The following NEB variants were observed in gnomAD, a reference collection of about 807,000 sequenced individuals.
NEB encodes nemaline myopathy type 2.
In NEB, 512 loss-of-function variants were observed where a neutral mutation model predicts 952.2. The ratio of observed to expected loss-of-function variants is 0.54; its 90% CI spans 0.50 to 0.58. The LOEUF (loss-of-function observed/expected upper bound fraction) is 0.58. Ranked by LOEUF, NEB falls within the 20% of genes least tolerant of loss-of-function variation. The pLI is 0.00. For synonymous variants in NEB, 2,900 were observed against 3,149.8 expected (o/e 0.92, Z 2.66); for missense variants, 8,428 against 9,231.1 (o/e 0.91, Z 3.56).
At chr2:151,513,819 T>C in intron 159 of NEB, 126 bp from the exon 160 acceptor site, 2 of 687,704 alleles carry the variant, frequency 2.9e-6, no homozygotes, top group East Asian at 5.4e-5. Flanking sequence ...CGCTTGCTAC[T>C]CTTCACCTTC....
chr2:151,670,969 C>A, intron 38 of NEB, 54 bp downstream of exon 38: 1 of 1,532,302 alleles, frequency 6.5e-7, no homozygotes, highest in East Asian at 2.2e-5. Context: ...GGAGGAGCGG[C>A]TCAGACACGT....
At chr2:151,630,566 T>C in intron 67 of NEB, 149 bp downstream of exon 67, 1 of 604,294 alleles carries the variant, frequency 1.7e-6, no homozygotes, top group Non-Finnish European at 2.9e-6. Context: ...CCATAAAATG[T>C]AATATTTAAC....
chr2:151,709,708 G>T lies in NEB; in HGVS notation c.983C>A (p.Thr328Asn). The T allele has an allele frequency of 6.2e-7, 1 of 1,606,430 alleles. No homozygotes were observed. Among genetic ancestry groups the T allele is most frequent in the East Asian group, 2.2e-5 (1 of 44,770 alleles). Residue 328 changes from threonine (T) to asparagine (N), a missense_variant, in exon 12 of 182, where the codon ACC becomes AAC. Around this residue, in one of 11 missense-constraint regions of NEB, gnomAD observed 2,851 missense variants for 2,791.5 expected, o/e 1.02. Transcript: ENST00000397345. ...ATTCATTTTATACTCTGGTGTTTCG[G>T]TCTGCATGAAGTAGATCTGGTCTTT... ...NMKDQIYFMQ[T>N]ETPEYKMNKK...
chr2:151,497,537 A>T (rs2061048960), intron 171 of NEB, 89 bp downstream of exon 171: 1 of 1,503,478 alleles, frequency 6.7e-7, no homozygotes, highest in East Asian at 2.5e-5. Flanking sequence ...AGTTGTCTTT[A>T]AAAAGTAGGA....
chr2:151,679,764 A>G lies in NEB; in HGVS notation c.3212T>C (p.Ile1071Thr). 2 of 1,611,536 alleles carry G rather than the reference A, an allele frequency of 1.2e-6. No individual in the cohort carries two copies. The highest frequency in any genetic ancestry group is 1.7e-6 in the Non-Finnish European group (2 of 1,178,674). ...KKGYDLRTDA[I>T]PIRAAKAARQ... is the part of the protein sequence containing the mutation. Reference sequence around the variant, plus strand: ...GGCAGCTTTGGCAGCTCTGATGGGAATCGCATCAGTTCTCAGGTCATATCC... The same window carrying G: ...GGCAGCTTTGGCAGCTCTGATGGGAGTCGCATCAGTTCTCAGGTCATATCC... Residue 1071 changes from isoleucine to threonine, a missense_variant, in exon 32 of 182, where the codon ATT (isoleucine) becomes ACT (threonine). Physicochemically the swap from Ile to Thr is moderately conservative, Grantham distance 89. Transcript: ENST00000397345.
chr2:151,673,795 G>A (rs1481594357), intron 36 of NEB, among the ~76,000 whole-genome samples: 2 of 144,078 alleles, frequency 1.4e-5, no homozygotes, highest in Non-Finnish European at 3.0e-5. Flanking sequence ...GTGCAGTGGC[G>A]CAATCTCGGC....
At position 151,565,517 on chromosome 2, in the gene NEB, G is replaced by T; in HGVS notation, c.18350C>A (p.Ser6117Tyr). The T allele has an allele frequency of 6.3e-7, 1 of 1,591,914 alleles. No homozygotes were observed. The highest frequency in any genetic ancestry group is 8.6e-7 in the Non-Finnish European group (1 of 1,161,874). ...CAAACTTACATCACTTTGATTGACA[G>T]AATTAATCTTGGCTAAAACAATCTC... The part of the protein sequence containing the change: ...PPEIVLAKIN[S>Y]VNQSDVKYKE... Residue 6117 changes from serine to tyrosine, a missense_variant, in exon 116 of 182, where the codon TCT becomes TAT. Ser to Tyr is a moderately radical substitution (Grantham distance 144). Transcript: ENST00000397345.
chr2:151,609,394 G>A (rs925310959), intron 81 of NEB, among the ~76,000 whole-genome samples: 1 of 151,758 alleles, frequency 6.6e-6, no homozygotes, highest in African/African-American at 2.4e-5. Flanking sequence ...ATTTATACTA[G>A]CCATGAATAA....
intron 34 of NEB, 34 bp from the exon 35 acceptor site, chr2:151,675,425 G>A (rs772693977): frequency 7.3e-7 from 1 of 1,369,672 alleles, no homozygotes; most frequent in South Asian, 1.3e-5. Context: ...AGTGCAAAAA[G>A]GAAAATCTAT....
intron 24 of NEB, chr2:151,689,672 G>A (rs1336763244): frequency 2.0e-5 from 3 of 152,238 alleles, no homozygotes; most frequent in African/African-American, 7.2e-5. Flanking sequence ...TTCCAAGGCA[G>A]AGTCCATTGC....
At chr2:151,539,896 T>A (rs1446881569) in intron 138 of NEB, among the ~76,000 whole-genome samples, 4 of 152,180 alleles carry the variant, frequency 2.6e-5, no homozygotes, top group Admixed American at 2.6e-4. Flanking sequence ...ATTATCTTGT[T>A]TGGTTTTATT....
chr2:151,658,832 C>T (rs1314958944), intron 47 of NEB, among the ~76,000 whole-genome samples: 2 of 152,080 alleles, frequency 1.3e-5, no homozygotes, highest in African/African-American at 4.8e-5. Context: ...TAAGGAGTGC[C>T]CCCCTAGAAC....
At position 151,492,163 on chromosome 2, in the gene NEB, C is replaced by G; in HGVS notation, c.24992G>C (p.Gly8331Ala). The change falls in exon 178 of 182, where the codon GGT (glycine) becomes GCT (alanine). Residue 8331 changes from glycine to alanine, a missense_variant. Gly to Ala is a moderately conservative substitution (Grantham distance 60). Coordinates refer to ENST00000397345, the MANE Select transcript of NEB (RefSeq NM_001164508.2). ...MQDFSDINYRGIQRKVVEMEQ... is the reference protein window; with the variant it reads ...MQDFSDINYRAIQRKVVEMEQ... ...CATTTCTACCACTTTCCTCTGAATA[C>G]CTCGGTAGTTAATGTCACTGAAGTC... 6.2e-7 allele frequency: 1 copy of G among 1,613,890 alleles called. No homozygotes were observed. Among genetic ancestry groups the G allele is most frequent in the Non-Finnish European group, 8.5e-7 (1 of 1,179,858 alleles).
chr2:151,640,331 G>T (rs760511955), intron 61 of NEB, 24 bp downstream of exon 61: 2 of 1,607,412 alleles, frequency 1.2e-6, no homozygotes, highest in Admixed American at 1.7e-5. Flanking sequence ...ACCTCTGCAC[G>T]TTATTATGAC....
chr2:151,502,852 G>A lies in NEB; in HGVS notation c.23869C>T (p.Pro7957Ser). 6.2e-7 allele frequency: 1 copy of A among 1,606,112 alleles called. No homozygotes were observed. The highest frequency in any genetic ancestry group is 1.3e-5 in the African/African-American group (1 of 74,508). Residue 7957 changes from proline to serine, a missense_variant, in exon 167 of 182, where the codon CCA (proline) becomes TCA (serine). Pro to Ser is a moderately conservative substitution (Grantham distance 74, BLOSUM62 -1). This residue lies in a region of NEB where 3,374 missense variants were observed against 3,651.5 expected (regional missense o/e 0.92). Transcript: ENST00000397345. ...TCCATCTCTGGAGTGATAGGTGTTG[G>A]GATTCCTTTCCCCAAATTTTCTTTG... The part of the protein sequence containing the change: ...LYKENLGKGI[P>S]TPITPEMERV...
chr2:151,715,915 T>G (rs2099757638), intron 10 of NEB, among the ~76,000 whole-genome samples: 1 of 152,114 alleles, frequency 6.6e-6, no homozygotes, highest in Non-Finnish European at 1.5e-5. Context: ...GAAAGTGATT[T>G]TCAAAAATCA....
intron 77 of NEB, among the ~76,000 whole-genome samples, chr2:151,613,125 CA>C (rs1200006531): frequency 1.3e-5 from 2 of 152,108 alleles, no homozygotes; most frequent in Non-Finnish European, 1.5e-5. Context: ...ATCATTCTTC[CA>C]AAAGTGCTTG....
chr2:151,706,996 A>G lies in NEB; in HGVS notation c.1037T>C (p.Val346Ala). Reference sequence around the variant, plus strand: ...CTTTTCATAGTCTTCTTTGTATTTTACCTGTAGGAGTGAAATAAAATGATA... The same window carrying G: ...CTTTTCATAGTCTTCTTTGTATTTTGCCTGTAGGAGTGAAATAAAATGATA... The part of the protein sequence containing the change: ...NKKAGVAASK[V>A]KYKEDYEKNK... The change falls in exon 13 of 182, where the codon GTA becomes GCA. Residue 346 changes from valine to alanine, a missense_variant and splice_region_variant. Around this residue, in one of 11 missense-constraint regions of NEB, gnomAD observed 2,851 missense variants for 2,791.5 expected, o/e 1.02. Coordinates refer to ENST00000397345, the MANE Select transcript of NEB (RefSeq NM_001164508.2). The G allele has an allele frequency of 1.3e-6, 2 of 1,555,160 alleles. No homozygotes were observed. Among genetic ancestry groups the G allele is most frequent in the Non-Finnish European group, 1.8e-6 (2 of 1,142,684 alleles).
Position 151,625,591 on chromosome 2 carries a change from A to G in NEB, c.10395T>C (p.Ile3465=), listed in dbSNP as rs756852049. Residue 3465 remains isoleucine (I), a synonymous_variant, in exon 71 of 182, where the codon ATT becomes ATC. Transcript: ENST00000397345. ...AWDKDKTQVH[I]MPDTPEIMLA... ...ACATGATTTCAGGTGTATCAGGCAT[A>G]ATATGGACTTGGGTCTTGTCTTTGT... is the stretch of plus-strand genomic sequence containing the variant. The G allele has an allele frequency of 6.2e-7, 1 of 1,607,000 alleles. No homozygotes were observed. The highest frequency in any genetic ancestry group is 1.7e-4 in the Middle Eastern group (1 of 6,016).
Sources: allele counts gnomAD v4.1 joint callset (sites outside exome capture counted in the v4.1 genomes callset), GRCh38; gene constraint gnomAD v4.1.1; regional missense constraint gnomAD v4.1.1; transcripts MANE v1.5; gene names NCBI Gene and HGNC (gene_info 2026-07-23, HGNC 2026-07-21).